The following SGCD variants were observed in gnomAD, a reference collection of about 807,000 sequenced individuals.
The protein encoded by SGCD is sarcoglycan delta, also known as delta-sarcoglycan.
SGCD carries 18 observed loss-of-function variants against 36.6 expected under a neutral mutation model. That is an observed-to-expected ratio of 0.49 (90% CI 0.34 to 0.73). The LOEUF (loss-of-function observed/expected upper bound fraction) is 0.73, where lower values mean the gene tolerates loss of function less well. SGCD is among the 30% of genes least tolerant of loss of function. The pLI, the probability that SGCD is intolerant of heterozygous loss-of-function variation, is 0.01. For missense variants in SGCD, 387 were observed against 346.7 expected, an observed-to-expected ratio of 1.12 and a Z score of -0.92; for synonymous variants, 133 against 130.6, an observed-to-expected ratio of 1.02 and a Z score of -0.12.
the SGCD span, among the ~76,000 whole-genome samples, chr5:155,761,753 A>G: frequency 0.039 from 5,705 of 148,046 alleles, 340 homozygotes; most frequent in African/African-American, 0.13. Flanking sequence ...CACCTTCATC[A>G]TCCTCACCAT....
At chr5:156,531,098 G>A (rs1044701220) in intron 4 of SGCD, among the ~76,000 whole-genome samples, 5 of 152,296 alleles carry the variant, frequency 3.3e-5, no homozygotes. Flanking sequence ...CCTCATGAAT[G>A]GGATTAATGC....
At position 156,149,040 on chromosome 5, in the gene SGCD, G is replaced by A. The variant is rs535204493; in HGVS notation, c.-44+25021G>A. On this transcript the variant is annotated intron_variant, in intron 3 of 9. Transcript: ENST00000517913. ...TTGTACTCAGGCACCAGTTTCTCCA[G>A]TTCTTTAATGTTTAACTTATACATT... Among the ~76,000 whole-genome samples, 4 of 152,242 alleles carry A rather than the reference G, an allele frequency of 2.6e-5. No homozygotes were observed. The East Asian group carries it at 7.7e-4, about 29-fold the overall frequency.
intron 3 of SGCD, among the ~76,000 whole-genome samples, chr5:156,220,335 T>A (rs985274757): frequency 2.0e-5 from 3 of 152,190 alleles, no homozygotes; most frequent in Admixed American, 2.0e-4. Flanking sequence ...CTGTGTGTGC[T>A]CACATCTTAA....
intron 4 of SGCD, among the ~76,000 whole-genome samples, chr5:156,584,782 A>T (rs1475881191): frequency 2.6e-5 from 4 of 152,290 alleles, no homozygotes; most frequent in East Asian, 1.9e-4. Context: ...ACTGCTTTTT[A>T]TATGTTTAGA....
intron 4 of SGCD, among the ~76,000 whole-genome samples, chr5:156,573,940 T>C (rs1179425375): frequency 6.6e-6 from 1 of 152,056 alleles, no homozygotes; most frequent in African/African-American, 2.4e-5. Context: ...TGATCCTCCC[T>C]CCTTGGCCTC....
At chr5:156,085,941 T>G (rs533058601) in intron 1 of SGCD, among the ~76,000 whole-genome samples, 139 of 152,262 alleles carry the variant, frequency 9.1e-4, no homozygotes, top group Admixed American at 2.7e-3. Context: ...TGTTTCCATT[T>G]GTTTCCCATG....
chr5:156,730,909 T>C (rs764786543), intron 7 of SGCD, among the ~76,000 whole-genome samples: 1 of 152,146 alleles, frequency 6.6e-6, no homozygotes, highest in Non-Finnish European at 1.5e-5. Flanking sequence ...CAGTATCTAT[T>C]ATTTATTTTT....
At chr5:156,243,209 C>T (rs1040774754) in intron 3 of SGCD, among the ~76,000 whole-genome samples, 1 of 152,180 alleles carries the variant, frequency 6.6e-6, no homozygotes, top group South Asian at 2.1e-4. Context: ...ATGCTCAGGG[C>T]ATTAGAGCAC....
the SGCD span, among the ~76,000 whole-genome samples, chr5:155,859,731 G>T: frequency 6.6e-6 from 1 of 152,180 alleles, no homozygotes; most frequent in Non-Finnish European, 1.5e-5. Context: ...CCTTATAGTT[G>T]GTGGTGGAAG....
intron 6 of SGCD, among the ~76,000 whole-genome samples, chr5:156,610,752 TC>T (rs1761757860): frequency 6.6e-6 from 1 of 152,148 alleles, no homozygotes; most frequent in South Asian, 2.1e-4. Flanking sequence ...TGGGCGCCCC[TC>T]CCCCAGCCTC....
intron 3 of SGCD, among the ~76,000 whole-genome samples, chr5:156,409,960 A>C (rs980254019): frequency 2.0e-5 from 3 of 152,090 alleles, no homozygotes; most frequent in Non-Finnish European, 4.4e-5. Flanking sequence ...TTACCACTGC[A>C]TAGTTGGGAA....
At chr5:155,801,546 C>G in the SGCD span, among the ~76,000 whole-genome samples, 1 of 152,266 alleles carries the variant, frequency 6.6e-6, no homozygotes, top group South Asian at 2.1e-4. Context: ...TCAATAGATT[C>G]TGAGTTCTAC....
intron 3 of SGCD, among the ~76,000 whole-genome samples, chr5:156,457,259 C>T (rs1754302597): frequency 6.6e-6 from 1 of 152,186 alleles, no homozygotes; most frequent in Admixed American, 6.5e-5. Context: ...TTTCATTCTT[C>T]AAGTTGGTCA....
intron 1 of SGCD, among the ~76,000 whole-genome samples, chr5:155,948,587 T>C (rs575885196): frequency 6.6e-6 from 1 of 152,306 alleles, no homozygotes; most frequent in South Asian, 2.1e-4. Flanking sequence ...TGCTCTCTTC[T>C]ACAATAAGCG....
intron 6 of SGCD, among the ~76,000 whole-genome samples, chr5:156,613,725 T>C (rs1194117342): frequency 1.3e-5 from 2 of 152,346 alleles, no homozygotes; most frequent in East Asian, 3.9e-4. Context: ...GTGATTCCTA[T>C]GCGAACCACT....
the SGCD span, among the ~76,000 whole-genome samples, chr5:155,862,656 T>G: frequency 6.6e-6 from 1 of 152,340 alleles, no homozygotes; most frequent in East Asian, 1.9e-4. Flanking sequence ...AACTAACTTT[T>G]GAATGCAGCC....
At chr5:156,694,695 A>G (rs960333817) in intron 7 of SGCD, among the ~76,000 whole-genome samples, 1 of 152,204 alleles carries the variant, frequency 6.6e-6, no homozygotes, top group African/African-American at 2.4e-5. Flanking sequence ...CAAGACCTAA[A>G]GACTTTTAGA....
upstream of SGCD, among the ~76,000 whole-genome samples, chr5:155,866,073 T>C (rs1235218877): frequency 6.6e-6 from 1 of 152,224 alleles, no homozygotes; most frequent in Non-Finnish European, 1.5e-5. Flanking sequence ...GCGGCTGTTA[T>C]ACTTCAGTGA....
intron 7 of SGCD, among the ~76,000 whole-genome samples, chr5:156,697,441 G>T (rs1259437071): frequency 6.6e-6 from 1 of 151,996 alleles, no homozygotes; most frequent in Non-Finnish European, 1.5e-5. Flanking sequence ...ACCCTCCCTA[G>T]TTCACTCCTT....
Sources: allele counts gnomAD v4.1 joint callset (sites outside exome capture counted in the v4.1 genomes callset), GRCh38; gene constraint gnomAD v4.1.1; transcripts MANE v1.5; gene names NCBI Gene and HGNC (gene_info 2026-07-23, HGNC 2026-07-21).